CACNA1D: variants seen among roughly 807,000 people sequenced by gnomAD.
The protein encoded by CACNA1D is voltage-dependent L-type calcium channel subunit alpha-1D.
In CACNA1D, 55 loss-of-function variants were observed where a neutral mutation model predicts 257.1. The ratio of observed to expected loss-of-function variants is 0.21; its 90% CI spans 0.17 to 0.27. The LOEUF (loss-of-function observed/expected upper bound fraction) is 0.27, where lower values mean the gene tolerates loss of function less well. Ranked by LOEUF, CACNA1D falls within the 10% of genes least tolerant of loss-of-function variation. CACNA1D has a pLI of 1.00. For missense variants in CACNA1D, 1,876 were observed against 2,784.0 expected (o/e 0.67, Z 7.34); for synonymous variants, 980 against 1,014.9 (o/e 0.97, Z 0.65).
At chr3:53,788,106 AGAATATGAATAT>A (rs377518395) in intron 40 of CACNA1D, among the ~76,000 whole-genome samples, 2 of 152,124 alleles carry the variant, frequency 1.3e-5, no homozygotes, top group African/African-American at 4.8e-5. Context: ...GCTGAGAGAG[AGAATATGAATAT>A]GAATATGAAT....
intron 9 of CACNA1D, among the ~76,000 whole-genome samples, chr3:53,717,408 C>T (rs1276248963): frequency 1.1e-5 from 1 of 93,856 alleles, no homozygotes; most frequent in Non-Finnish European, 3.3e-5. Context: ...GGCTCCAGCA[C>T]GTGTTCGTGA....
intron 43 of CACNA1D, among the ~76,000 whole-genome samples, chr3:53,803,169 A>G (rs2095544629): frequency 6.6e-6 from 1 of 152,168 alleles, no homozygotes; most frequent in Non-Finnish European, 1.5e-5. Context: ...GCCTCTGGAC[A>G]CAATGGTTTG....
At position 53,808,710 on chromosome 3, in the gene CACNA1D, C is replaced by A. The variant is rs772082029; in HGVS notation, c.5811C>A (p.Val1937=). 4 of 1,609,098 alleles carry A rather than the reference C, an allele frequency of 2.5e-6. No homozygotes were observed. Among genetic ancestry groups the A allele is most frequent in the Middle Eastern group, 3.3e-4 (2 of 6,084 alleles). ...CLRRQSSQEE[V]PSSPIFPHRT... The stretch of plus-strand genomic sequence containing the variant: ...GCCGGCAGAGCAGCCAGGAAGAGGT[C>A]CCGTCGTCTCCCATCTTCCCCCATC... The change falls in exon 46 of 48, where the codon GTC becomes GTA. Residue 1937 remains valine (V), a synonymous_variant. Transcript: ENST00000350061.
At chr3:53,576,148 T>C (rs917554844) in intron 3 of CACNA1D, among the ~76,000 whole-genome samples, 1 of 152,158 alleles carries the variant, frequency 6.6e-6, no homozygotes, top group Admixed American at 6.5e-5. Flanking sequence ...TAACCCACAG[T>C]GGGAGCATGC....
At position 53,774,274 on chromosome 3, in the gene CACNA1D, G is replaced by T; in HGVS notation, c.4111-313G>T. ...CCTTCAGTAGATGAGCCTGTCTCAC[G>T]CTTCCCTGTGTGTCTGGACCACCCC... is the stretch of plus-strand genomic sequence containing the variant. On this transcript the variant is annotated intron_variant, in intron 33 of 47. Transcript: ENST00000350061. This position sits in a 1 kb window ranked among gnomAD's most constrained non-coding sequence, Gnocchi z 4.3. 1 of 362,220 alleles carries T rather than the reference G, an allele frequency of 2.8e-6. No individual in the cohort carries two copies. Among genetic ancestry groups the T allele is most frequent in the Non-Finnish European group, 5.2e-6 (1 of 191,516 alleles). The allele number at this position is 362,220 out of a possible 1,614,324, so 22.4% of individuals were successfully genotyped here.
chr3:53,559,646 C>T (rs2092703351), intron 3 of CACNA1D, among the ~76,000 whole-genome samples: 1 of 152,198 alleles, frequency 6.6e-6, no homozygotes, highest in South Asian at 2.1e-4. Flanking sequence ...CTGAAGGCCA[C>T]TGGCATACTT....
At chr3:53,709,264 C>A (rs539373071) in intron 9 of CACNA1D, among the ~76,000 whole-genome samples, 1 of 152,328 alleles carries the variant, frequency 6.6e-6, no homozygotes, top group African/African-American at 2.4e-5. Flanking sequence ...TACATTCATT[C>A]TTCTTCACAC....
chr3:53,804,594 C>G (rs1200846359), intron 44 of CACNA1D, among the ~76,000 whole-genome samples: 4 of 152,196 alleles, frequency 2.6e-5, no homozygotes, highest in Non-Finnish European at 5.9e-5. Context: ...ATGGCATTTT[C>G]TAAGCCCATT....
intron 2 of CACNA1D, 29 bp from the exon 3 acceptor site, chr3:53,501,586 C>G (rs769545031): frequency 7.0e-6 from 8 of 1,136,206 alleles, no homozygotes; most frequent in Non-Finnish European, 1.1e-5. Context: ...GTTTCCATAA[C>G]ACATATATAC....
chr3:53,533,728 A>G (rs545003015), intron 3 of CACNA1D, among the ~76,000 whole-genome samples: 2 of 152,296 alleles, frequency 1.3e-5, no homozygotes, highest in South Asian at 2.1e-4. Flanking sequence ...CTGCTGCCTG[A>G]TGCTCCTGGA....
At chr3:53,505,177 C>T (rs1432382451) in intron 3 of CACNA1D, among the ~76,000 whole-genome samples, 3 of 116,822 alleles carry the variant, frequency 2.6e-5, no homozygotes, top group Non-Finnish European at 4.8e-5. Context: ...GGTGCAATTT[C>T]GGCTCACTGC....
chr3:53,575,977 T>C (rs2107715876), intron 3 of CACNA1D, among the ~76,000 whole-genome samples: 1 of 152,268 alleles, frequency 6.6e-6, no homozygotes, highest in East Asian at 1.9e-4. Flanking sequence ...CTGGAAAAAT[T>C]AGTTATTTTT....
intron 3 of CACNA1D, among the ~76,000 whole-genome samples, chr3:53,589,740 A>G (rs1230933678): frequency 1.3e-5 from 2 of 152,080 alleles, no homozygotes; most frequent in Admixed American, 6.5e-5. Context: ...CTCCCAAAGC[A>G]CTGGGATTAC....
chr3:53,701,918 C>T (rs1196698509), intron 8 of CACNA1D, among the ~76,000 whole-genome samples: 1 of 152,218 alleles, frequency 6.6e-6, no homozygotes, highest in Non-Finnish European at 1.5e-5. Context: ...TCATATGCCT[C>T]TTCCCCTCCT....
intron 3 of CACNA1D, among the ~76,000 whole-genome samples, chr3:53,612,691 T>A (rs9845102): frequency 0.027 from 4,069 of 152,224 alleles, 197 homozygotes; most frequent in African/African-American, 0.093. Context: ...TTCCAGACTG[T>A]TTCCTCAGCT....
At position 53,723,395 on chromosome 3, in the gene CACNA1D, C is replaced by T. The variant is rs756171000; in HGVS notation, c.1667-39C>T. 3.3e-6 allele frequency: 5 copies of T among 1,497,926 alleles called. No homozygotes were observed. The highest frequency in any genetic ancestry group is 1.7e-4 in the Middle Eastern group (1 of 5,872). The allele number at this position is 1,497,926 out of a possible 1,614,324, so 92.8% of individuals were successfully genotyped here. A position where few individuals can be genotyped will look rare whatever the true frequency, so the allele number is the denominator to read the frequency against. ...GGGCACGAGCAGTCTGAGTGTCTTG[C>T]AGGAGACCCTGAGGATGGGTGCCCC... is the stretch of plus-strand genomic sequence containing the variant. On this transcript the variant is annotated intron_variant, in intron 12 of 47. Coordinates refer to ENST00000350061, the MANE Select transcript of CACNA1D (RefSeq NM_001128840.3). This position sits in a 1 kb window ranked among gnomAD's most constrained non-coding sequence, Gnocchi z 5.6.
At chr3:53,506,931 G>T (rs1459809422) in intron 3 of CACNA1D, among the ~76,000 whole-genome samples, 1 of 152,096 alleles carries the variant, frequency 6.6e-6, no homozygotes, top group East Asian at 1.9e-4. Flanking sequence ...GATTGAGCCA[G>T]TCATAGTGGT....
intron 30 of CACNA1D, chr3:53,762,704 C>T: frequency 2.3e-6 from 1 of 442,736 alleles, no homozygotes; most frequent in Non-Finnish European, 4.6e-6. Flanking sequence ...AGACTAGAGG[C>T]CCTGCCCTTA....
At chr3:53,582,754 A>G (rs1463327724) in intron 3 of CACNA1D, among the ~76,000 whole-genome samples, 1 of 152,166 alleles carries the variant, frequency 6.6e-6, no homozygotes, top group Non-Finnish European at 1.5e-5. Context: ...TATTGGTGCA[A>G]GTAGCCTGGC....
Sources: allele counts gnomAD v4.1 joint callset (sites outside exome capture counted in the v4.1 genomes callset), GRCh38; gene constraint gnomAD v4.1.1; non-coding constraint Gnocchi (gnomAD v3.1); transcripts MANE v1.5; gene names NCBI Gene and HGNC (gene_info 2026-07-23, HGNC 2026-07-21).